TNNI3K: variants seen among roughly 807,000 people sequenced by gnomAD.
TNNI3K encodes the protein serine/threonine-protein kinase TNNI3K.
In TNNI3K, 140 loss-of-function variants were observed where a neutral mutation model predicts 114.5. The observed-to-expected ratio is 1.22, with a 90% CI of 1.07 to 1.41. TNNI3K has a LOEUF of 1.41. Ranked by LOEUF, TNNI3K falls within the 40% of genes most tolerant of loss-of-function variation. The probability of loss-of-function intolerance (pLI) is 0.00; values close to 1 mark genes in which losing one functional copy is unlikely to be tolerated. For synonymous variants in TNNI3K, 347 were observed against 347.5 expected, an observed-to-expected ratio of 1.00 and a Z score of 0.02; for missense variants, 1,125 against 1,007.6, an observed-to-expected ratio of 1.12 and a Z score of -1.58.
At chr1:74,424,650 C>T (rs746073558) in intron 17 of TNNI3K, among the ~76,000 whole-genome samples, 6 of 143,306 alleles carry the variant, frequency 4.2e-5, no homozygotes, top group African/African-American at 7.7e-5. Context: ...ACCCAGGAGG[C>T]GGAGGCTGCA....
At chr1:74,330,833 T>G (rs1183927195) in intron 5 of TNNI3K, among the ~76,000 whole-genome samples, 1 of 152,176 alleles carries the variant, frequency 6.6e-6, no homozygotes, top group Non-Finnish European at 1.5e-5. Flanking sequence ...TATTGTATGA[T>G]TGTTATTTGC....
intron 23 of TNNI3K, among the ~76,000 whole-genome samples, chr1:74,532,961 C>A (rs536566536): frequency 6.6e-6 from 1 of 152,192 alleles, no homozygotes; most frequent in Non-Finnish European, 1.5e-5. Flanking sequence ...CCATAAAAGC[C>A]CTAGAATAAA....
At chr1:74,254,888 A>G (rs1413323286) in intron 4 of TNNI3K, among the ~76,000 whole-genome samples, 1 of 152,160 alleles carries the variant, frequency 6.6e-6, no homozygotes, top group East Asian at 1.9e-4. Context: ...GCTCATATAC[A>G]TGGGGAGATG....
chr1:74,296,798 T>G (rs1279309400), intron 5 of TNNI3K, among the ~76,000 whole-genome samples: 3 of 152,206 alleles, frequency 2.0e-5, no homozygotes, highest in African/African-American at 7.2e-5. Context: ...ATCATCAATT[T>G]TACTGTTGCT....
chr1:74,495,223 C>T (rs893283060), intron 23 of TNNI3K, among the ~76,000 whole-genome samples: 3 of 152,170 alleles, frequency 2.0e-5, no homozygotes, highest in East Asian at 3.8e-4. Flanking sequence ...TTGCTGTGAG[C>T]GTGCATTCAA....
At chr1:74,454,853 T>C (rs2100705557) in intron 20 of TNNI3K, among the ~76,000 whole-genome samples, 1 of 152,270 alleles carries the variant, frequency 6.6e-6, no homozygotes, top group African/African-American at 2.4e-5. Context: ...GTATGAGAGT[T>C]CCCCTTTCTT....
chr1:74,238,929 A>C (rs1654025138), intron 2 of TNNI3K, among the ~76,000 whole-genome samples: 1 of 152,128 alleles, frequency 6.6e-6, no homozygotes, highest in African/African-American at 2.4e-5. Context: ...CATGTGAATC[A>C]GAATCTCTGG....
At chr1:74,253,402 G>T (rs1203793422) in intron 4 of TNNI3K, among the ~76,000 whole-genome samples, 1 of 152,130 alleles carries the variant, frequency 6.6e-6, no homozygotes, top group African/African-American at 2.4e-5. Flanking sequence ...GCACGCTTTG[G>T]GTAAGCTCGG....
At chr1:74,320,557 G>T (rs1415776608) in intron 5 of TNNI3K, among the ~76,000 whole-genome samples, 1 of 152,136 alleles carries the variant, frequency 6.6e-6, no homozygotes, top group Non-Finnish European at 1.5e-5. Context: ...TCCAAAAAAG[G>T]CACACACTTC....
intron 23 of TNNI3K, among the ~76,000 whole-genome samples, chr1:74,522,159 T>G (rs920170408): frequency 2.0e-5 from 3 of 152,144 alleles, no homozygotes; most frequent in Non-Finnish European, 4.4e-5. Context: ...AAACTTAATA[T>G]AGCAGGTGAA....
rs1489271366 is a variant in TNNI3K at position 74,249,439 on chromosome 1, C to T, written c.150-20C>T. 1 of 1,606,850 alleles carries T rather than the reference C, an allele frequency of 6.2e-7. No homozygotes were observed. The highest frequency in any genetic ancestry group is 1.3e-5 in the African/African-American group (1 of 74,670). On this transcript the variant is annotated intron_variant, in intron 2 of 24. Coordinates refer to ENST00000326637, the MANE Select transcript of TNNI3K (RefSeq NM_015978.3). ...GCTAAAAGATGAATTTTGTGATCAT[C>T]TGTAACATGTTTTTTTCAGCTCTGA...
intron 21 of TNNI3K, among the ~76,000 whole-genome samples, chr1:74,484,606 G>A (rs984145357): frequency 2.0e-5 from 3 of 152,112 alleles, no homozygotes; most frequent in Admixed American, 2.0e-4. Flanking sequence ...CAATAAGCTG[G>A]AGAAGGTGAA....
rs140244123 is a variant in TNNI3K, at chr1:74,521,734, G to A, written c.2352-18500G>A. Among the ~76,000 whole-genome samples, 36 of 152,246 alleles carry A rather than the reference G, an allele frequency of 2.4e-4. No homozygotes were observed. In the East Asian group the frequency reaches 5.4e-3, roughly 23 times the overall value. ...TTTCAGCAAAGCGTGATAAATTTAT[G>A]ATAAGAAGGGCACAGGGTCTCATAA... On this transcript the variant is annotated intron_variant, in intron 23 of 24. Coordinates refer to ENST00000326637, the MANE Select transcript of TNNI3K (RefSeq NM_015978.3).
intron 7 of TNNI3K, among the ~76,000 whole-genome samples, chr1:74,337,400 G>C (rs1016771379): frequency 6.6e-6 from 1 of 151,624 alleles, no homozygotes; most frequent in Non-Finnish European, 1.5e-5. Flanking sequence ...ATTGCTTTTG[G>C]TGTTTTAGAC....
In TNNI3K at chr1:74,463,512, T is replaced by C; in HGVS notation, c.2083T>C (p.Ser695Pro). The C allele has an allele frequency of 6.2e-7, 1 of 1,614,220 alleles. No individual in the cohort carries two copies. The highest frequency in any genetic ancestry group is 8.5e-7 in the Non-Finnish European group (1 of 1,180,050). ...PIGYSIPKPI[S>P]SLLIRGWNAC... is the part of the protein sequence containing the mutation. ...TGGCTATTCCATTCCCAAGCCCATA[T>C]CATCTCTGCTGATACGAGGGTGGAA... The change falls in exon 21 of 25, where the codon TCA (serine) becomes CCA (proline). Residue 695 changes from serine (S) to proline (P), a missense_variant. By Grantham distance (74) the Ser-to-Pro change is moderately conservative (BLOSUM62 -1). Transcript: ENST00000326637.
intron 17 of TNNI3K, among the ~76,000 whole-genome samples, chr1:74,434,581 C>G (rs150484212): frequency 6.6e-6 from 1 of 152,024 alleles, no homozygotes; most frequent in African/African-American, 2.4e-5. Context: ...AGTAGTACAG[C>G]GTGTAGATGC....
intron 2 of TNNI3K, among the ~76,000 whole-genome samples, chr1:74,238,471 T>G (rs1238968635): frequency 6.6e-6 from 1 of 152,016 alleles, no homozygotes; most frequent in Non-Finnish European, 1.5e-5. Flanking sequence ...AAGGACAGTT[T>G]GAAGGATAGA....
Position 74,369,532 on chromosome 1 carries a change from C to A in TNNI3K, c.1614C>A (p.Val538=). The A allele has an allele frequency of 1.2e-6, 2 of 1,612,554 alleles. No individual in the cohort carries two copies. The highest frequency in any genetic ancestry group is 1.7e-6 in the Non-Finnish European group (2 of 1,179,056). The change falls in exon 16 of 25, where the codon GTC becomes GTA. Residue 538 remains valine, a synonymous_variant. Coordinates refer to ENST00000326637, the MANE Select transcript of TNNI3K (RefSeq NM_015978.3). The stretch of plus-strand genomic sequence containing the variant: ...ATGATCCCAGCCAGTTTGCCATTGT[C>A]ACTCAATACATATCAGGGGGTTCTC... ...CLNDPSQFAI[V]TQYISGGSLF... is the part of the protein sequence containing the mutation.
intron 4 of TNNI3K, among the ~76,000 whole-genome samples, chr1:74,263,628 AG>A (rs1026069321): frequency 2.0e-5 from 3 of 151,898 alleles, no homozygotes; most frequent in African/African-American, 7.2e-5. Flanking sequence ...TGGGGAGAAG[AG>A]GATATAAAAA....
Sources: allele counts gnomAD v4.1 joint callset (sites outside exome capture counted in the v4.1 genomes callset), GRCh38; gene constraint gnomAD v4.1.1; transcripts MANE v1.5; gene names NCBI Gene and HGNC (gene_info 2026-07-23, HGNC 2026-07-21).